The following GRHL3 variants were observed in gnomAD, a reference collection of about 807,000 sequenced individuals.
GRHL3 encodes the protein grainyhead-like protein 3 homolog.
A neutral mutation model predicts 70.3 loss-of-function variants in GRHL3; 20 were observed. That is an observed-to-expected ratio of 0.28 (90% CI 0.20 to 0.41). The LOEUF (loss-of-function observed/expected upper bound fraction) is 0.41, where lower values mean the gene tolerates loss of function less well. GRHL3 is among the 10% of genes least tolerant of loss of function. The pLI is 1.00. For missense variants in GRHL3, 637 were observed against 762.3 expected, an observed-to-expected ratio of 0.84 and a Z score of 1.94; for synonymous variants, 299 against 299.9, an observed-to-expected ratio of 1.00 and a Z score of 0.03.
chr1:24,343,989 G>A (rs1337827571), intron 11 of GRHL3, among the ~76,000 whole-genome samples: 1 of 152,210 alleles, frequency 6.6e-6, no homozygotes, highest in African/African-American at 2.4e-5. Context: ...CCGCAGCACA[G>A]GCGGCTGTGT....
chr1:24,360,789 C>G, intron 15 of GRHL3: 1 of 1,463,276 alleles, frequency 6.8e-7, no homozygotes, highest in South Asian at 1.3e-5. Context: ...TTTGATGACC[C>G]AAGAATGACA....
In GRHL3 at chr1:24,345,395, T is replaced by C. The variant is rs142130576; in HGVS notation, c.1454+464T>C. Among the ~76,000 whole-genome samples the C allele has an allele frequency of 5.9e-3, 885 of 150,298 alleles. 4 individuals are homozygous for C. Among genetic ancestry groups the C allele is most frequent in the Non-Finnish European group, 8.1e-3 (548 of 67,576 alleles). On this transcript the variant is annotated intron_variant, in intron 12 of 15. Coordinates refer to ENST00000361548, the MANE Select transcript of GRHL3 (RefSeq NM_198173.3). The stretch of plus-strand genomic sequence containing the variant: ...GCTTTTCTCCCTGTTCCTTGCAAGC[T>C]AGGGTGTGGGGCCAGAGGAGGAAGC...
intron 7 of GRHL3, 23 bp from the exon 8 acceptor site, chr1:24,339,645 C>T (rs201454787): frequency 1.0e-5 from 16 of 1,564,092 alleles, no homozygotes; most frequent in Admixed American, 1.7e-5. Flanking sequence ...CCTGATTCTC[C>T]TTCTGGTCTC....
At chr1:24,357,500 C>T (rs2148671664), downstream of GRHL3, 2 of 152,996 alleles carry the variant, frequency 1.3e-5, no homozygotes, top group South Asian at 4.1e-4. Flanking sequence ...GTGGGTGGGC[C>T]CCAGGCCTCA....
At chr1:24,360,310 G>A (rs1641019872), downstream of GRHL3, among the ~76,000 whole-genome samples, 1 of 152,152 alleles carries the variant, frequency 6.6e-6, no homozygotes, top group South Asian at 2.1e-4. Flanking sequence ...GTAGCTGGGT[G>A]TGGTGGCATG....
chr1:24,324,943 G>C (rs1453280510), intron 1 of GRHL3, among the ~76,000 whole-genome samples: 1 of 152,122 alleles, frequency 6.6e-6, no homozygotes, highest in Non-Finnish European at 1.5e-5. Context: ...TTCACAATCT[G>C]TACACCCAGA....
chr1:24,360,760 A>G (rs1641050795), intron 15 of GRHL3: 1 of 1,195,826 alleles, frequency 8.4e-7, no homozygotes, highest in South Asian at 1.5e-5. Context: ...TTTGGGAAAC[A>G]ACCTATAAAT....
At chr1:24,352,429 G>C (rs1447224216) in intron 15 of GRHL3, among the ~76,000 whole-genome samples, 3 of 152,198 alleles carry the variant, frequency 2.0e-5, no homozygotes, top group Non-Finnish European at 4.4e-5. Flanking sequence ...ACAGCTAGAA[G>C]GTGGCAAGTA....
intron 8 of GRHL3, among the ~76,000 whole-genome samples, chr1:24,340,641 C>G (rs544031963): frequency 3.3e-5 from 5 of 152,288 alleles, no homozygotes; most frequent in Admixed American, 1.3e-4. Context: ...AGGGTCAGGT[C>G]CAGCTCATCT....
chr1:24,347,321 T>C (rs1640327384), intron 13 of GRHL3, 147 bp from the exon 14 acceptor site: 1 of 683,622 alleles, frequency 1.5e-6, no homozygotes, highest in Non-Finnish European at 2.6e-6. Context: ...TGCATGGGAA[T>C]CTGCAGAGCC....
chr1:24,323,248 T>G (rs1639271287), intron 1 of GRHL3: 1 of 667,390 alleles, frequency 1.5e-6, no homozygotes, highest in Non-Finnish European at 2.7e-6. Flanking sequence ...CTGTGGTCCG[T>G]GGACCATCAT....
rs772473312 is a variant in GRHL3 at position 24,342,217 on chromosome 1, G to A, written c.1150G>A (p.Gly384Ser). 3 of 1,613,454 alleles carry A rather than the reference G, an allele frequency of 1.9e-6. No homozygotes were observed. The Admixed American group carries it at 5.0e-5, about 27-fold the overall frequency. Reference sequence around the variant, plus strand: ...GATTGACACCTATGACTGTGGCTTGGGCACTGAGCGCCTGGTACACCGTGC... The same window carrying A: ...GATTGACACCTATGACTGTGGCTTGAGCACTGAGCGCCTGGTACACCGTGC... ...LQIDTYDCGL[G>S]TERLVHRAVC... Residue 384 changes from glycine to serine, a missense_variant, in exon 9 of 16, where the codon GGC becomes AGC. By Grantham distance (56) the Gly-to-Ser change is moderately conservative (BLOSUM62 0). Coordinates refer to ENST00000361548, the MANE Select transcript of GRHL3 (RefSeq NM_198173.3). This position sits in a 1 kb window ranked among gnomAD's most constrained non-coding sequence, Gnocchi z 4.8.
In GRHL3 at chr1:24,346,589, G is replaced by A; in HGVS notation, c.1491G>A (p.Glu497=). 1 of 1,613,386 alleles carries A rather than the reference G, an allele frequency of 6.2e-7. No homozygotes were observed. Among genetic ancestry groups the A allele is most frequent in the Admixed American group, 1.7e-5 (1 of 60,020 alleles). Residue 497 remains glutamate (E), a synonymous_variant, in exon 13 of 16, where the codon GAG becomes GAA. Coordinates refer to ENST00000361548, the MANE Select transcript of GRHL3 (RefSeq NM_198173.3). ...PLKRTCSPFT[E]EFEPLPSKQA... ...AGCGTACCTGCTCGCCCTTCACTGA[G>A]GAGTTTGAGCCTCTGCCCTCCAAGC...
rs1272783407 is a variant in GRHL3, at chr1:24,347,683, T to G, written c.1629+130T>G. The G allele has an allele frequency of 4.2e-6, 3 of 715,340 alleles. No individual in the cohort carries two copies. In the Admixed American group the frequency reaches 6.9e-5, roughly 17 times the overall value. The allele number at this position is 715,340 out of a possible 1,614,324, so 44.3% of individuals were successfully genotyped here. ...TGCCGGTGGCCTACCCGTCCCACCC[T>G]GTCCAGGGGGCCTGAGGGGCCCTGC... On this transcript the variant is annotated intron_variant, in intron 14 of 15. Transcript: ENST00000361548.
At chr1:24,363,635 T>C (rs144332998) in intron 15 of GRHL3, among the ~76,000 whole-genome samples, 3 of 152,252 alleles carry the variant, frequency 2.0e-5, no homozygotes, top group Non-Finnish European at 4.4e-5. Flanking sequence ...GCTTTACTTG[T>C]AACATTTGTT....
At chr1:24,363,254 T>G (rs1641238606) in intron 15 of GRHL3, among the ~76,000 whole-genome samples, 1 of 152,202 alleles carries the variant, frequency 6.6e-6, no homozygotes, top group African/African-American at 2.4e-5. Flanking sequence ...AGAGGTTTCT[T>G]GTCTTCCACT....
At chr1:24,345,712 T>G (rs1640253801) in intron 12 of GRHL3, among the ~76,000 whole-genome samples, 1 of 152,210 alleles carries the variant, frequency 6.6e-6, no homozygotes, top group Non-Finnish European at 1.5e-5. Context: ...GAAGGGCCTT[T>G]GTGTCCTTCC....
At chr1:24,362,366 G>GA (rs1641178237) in intron 15 of GRHL3, among the ~76,000 whole-genome samples, 1 of 152,174 alleles carries the variant, frequency 6.6e-6, no homozygotes, top group African/African-American at 2.4e-5. Context: ...TAGCAATATG[G>GA]AGAAAGCATG....
Position 24,360,709 on chromosome 1 carries a change from A to G in GRHL3, c.1695-3476A>G, listed in dbSNP as rs1569959416. ...ACATTTTTGTACTGTGAAAATGTGA[A>G]CTGATAATGCTTCCAAATCTACCCT... is the stretch of plus-strand genomic sequence containing the variant. On this transcript the variant is annotated intron_variant, in intron 15 of 15. Transcript: ENST00000350501. 8.2e-6 allele frequency: 6 copies of G among 733,482 alleles called. No homozygotes were observed. The East Asian group carries it at 1.6e-4, about 20-fold the overall frequency. The allele number at this position is 733,482 out of a possible 1,614,324, so 45.4% of individuals were successfully genotyped here.
Sources: gnomAD v4.1 joint callset for allele counts (sites outside exome capture counted in the v4.1 genomes callset) on GRCh38, gnomAD v4.1.1 for gene constraint, Gnocchi (gnomAD v3.1) non-coding constraint, MANE v1.5 for transcripts, NCBI Gene and HGNC (gene_info 2026-07-23, HGNC 2026-07-21) for gene names.